PPFIBP2: variants seen among roughly 807,000 people sequenced by gnomAD.
The protein encoded by PPFIBP2 is PPFIB scaffold protein 2, also known as liprin-beta-2.
Under a neutral mutation model 118.3 loss-of-function variants are expected in PPFIBP2, and 118 were observed. The observed-to-expected ratio is 1.00, with a 90% CI of 0.86 to 1.16. PPFIBP2 has a LOEUF of 1.16. Ranked by LOEUF, PPFIBP2 falls within the 50% of genes most tolerant of loss-of-function variation. The pLI is 0.00. For missense variants in PPFIBP2, 1,195 were observed against 1,073.1 expected (o/e 1.11, Z -1.59); for synonymous variants, 414 against 397.4 (o/e 1.04, Z -0.50).
Position 7,639,321 on chromosome 11 carries a change from T to C in PPFIBP2, c.1237-411T>C, listed in dbSNP as rs117578280. ...GATTGTTATTTTACATATATATGTATGTATGTATGATAAAACACTAGGCAG... is the reference window on the plus strand; with the variant it reads ...GATTGTTATTTTACATATATATGTACGTATGTATGATAAAACACTAGGCAG... On this transcript the variant is annotated intron_variant, in intron 14 of 23. Transcript: ENST00000299492. Among the ~76,000 whole-genome samples, 1,418 of 152,332 alleles carry C rather than the reference T, an allele frequency of 9.3e-3. 12 individuals are homozygous for C. The highest frequency in any genetic ancestry group is 0.015 in the Admixed American group (237 of 15,308).
In PPFIBP2 at chr11:7,650,900, C is replaced by T. The variant is rs149262617; in HGVS notation, c.2182C>T (p.Arg728Ter). The change falls in exon 22 of 24, where the codon CGA (arginine) becomes TGA (stop). Residue 728 changes from arginine to a stop codon, truncating the protein, a stop_gained. Coordinates refer to ENST00000299492, the MANE Select transcript of PPFIBP2 (RefSeq NM_003621.5). LOFTEE classifies it high-confidence loss of function. ...WSNHRVMEWL[R>*]SVDLAEYAPN... Reference sequence around the variant, plus strand: ...CAACCACAGGGTGATGGAGTGGTTACGATCTGTGGACCTGGCAGAGTATGC... The same window carrying T: ...CAACCACAGGGTGATGGAGTGGTTATGATCTGTGGACCTGGCAGAGTATGC... The T allele has an allele frequency of 2.2e-5, 36 of 1,613,974 alleles. No homozygotes were observed. The highest frequency in any genetic ancestry group is 3.3e-4 in the Middle Eastern group (2 of 6,080).
At chr11:7,655,679 T>C (rs143484783), downstream of PPFIBP2, among the ~76,000 whole-genome samples, 734 of 152,180 alleles carry the variant, frequency 4.8e-3, 9 homozygotes, top group African/African-American at 0.017. Context: ...GCCTTCTCTG[T>C]TGGCCTGTTA....
rs746080235 is a variant in PPFIBP2, at chr11:7,653,080, A to C, written c.2493A>C (p.Glu831Asp). ...FGNIRKKKFD[E>D]STDYICPMEP... Reference sequence around the variant, plus strand: ...ACATAAGAAAAAAGAAGTTCGATGAATCGACGGACTACATTTGCCCAATGG... The same window carrying C: ...ACATAAGAAAAAAGAAGTTCGATGACTCGACGGACTACATTTGCCCAATGG... The change falls in exon 24 of 24, where the codon GAA (glutamate) becomes GAC (aspartate). Residue 831 changes from glutamate (E) to aspartate (D), a missense_variant. Physicochemically the swap from Glu to Asp is conservative, Grantham distance 45 (BLOSUM62 2). Transcript: ENST00000299492. The C allele has an allele frequency of 1.9e-6, 3 of 1,613,620 alleles. No homozygotes were observed. The highest frequency in any genetic ancestry group is 2.2e-5 in the South Asian group (2 of 91,072).
chr11:7,631,231 T>C (rs189975012), intron 11 of PPFIBP2: 2 of 533,522 alleles, frequency 3.7e-6, no homozygotes, highest in Admixed American at 3.1e-5. Context: ...GGAGGCAGCA[T>C]GGTGGATACT....
At chr11:7,653,762 C>T (rs921458171), downstream of PPFIBP2, 8 of 1,205,864 alleles carry the variant, frequency 6.6e-6, no homozygotes, top group African/African-American at 1.3e-4. Context: ...GGAAAGCAAG[C>T]AGCTCACCAT....
chr11:7,588,420 C>T (rs1173604152), intron 3 of PPFIBP2, among the ~76,000 whole-genome samples: 1 of 152,340 alleles, frequency 6.6e-6, no homozygotes, highest in African/African-American at 2.4e-5. Context: ...ACAGCTGATA[C>T]ATTTTCCTGA....
At chr11:7,590,152 G>T (rs559699716) in intron 3 of PPFIBP2, among the ~76,000 whole-genome samples, 1 of 152,268 alleles carries the variant, frequency 6.6e-6, no homozygotes, top group Admixed American at 6.5e-5. Context: ...CCTCTTCTTG[G>T]CCCTGTTCTC....
chr11:7,618,048 A>T (rs1450385515), intron 6 of PPFIBP2, among the ~76,000 whole-genome samples: 1 of 152,226 alleles, frequency 6.6e-6, no homozygotes, highest in Non-Finnish European at 1.5e-5. Flanking sequence ...GACCGAGGTC[A>T]CAGCAGCCAT....
chr11:7,528,960 CT>C (rs1850451651), intron 1 of PPFIBP2, among the ~76,000 whole-genome samples: 1 of 152,312 alleles, frequency 6.6e-6, no homozygotes, highest in East Asian at 1.9e-4. Flanking sequence ...GTGGCCACGC[CT>C]TGCTTCTGTC....
intron 9 of PPFIBP2, among the ~76,000 whole-genome samples, chr11:7,628,697 C>T (rs1042825003): frequency 6.6e-6 from 1 of 152,214 alleles, no homozygotes. Flanking sequence ...CATGACCTGA[C>T]AATAGAACCA....
Position 7,620,926 on chromosome 11 carries a change from A to G in PPFIBP2, c.619-9A>G, listed in dbSNP as rs759073996. On this transcript the variant is annotated splice_polypyrimidine_tract_variant and intron_variant, in intron 6 of 23. Coordinates refer to ENST00000299492, the MANE Select transcript of PPFIBP2 (RefSeq NM_003621.5). ...CATCAGAACTTTGTCTTTCTCCCTC[A>G]TCCCCTAGGAGTTACTGCAAGAGCT... The G allele has an allele frequency of 3.2e-6, 5 of 1,587,278 alleles. No homozygotes were observed. The Admixed American group carries it at 6.7e-5, about 21-fold the overall frequency.
rs539673451 is a variant in PPFIBP2, at chr11:7,612,881, G to A, written c.618+2459G>A. ...TTGTGAGTGTCTGGAGCAACCAGGG[G>A]TTTAAAACCACAGGGTACTGCTTAA... On this transcript the variant is annotated intron_variant, in intron 6 of 23. Transcript: ENST00000299492. 7.2e-5 allele frequency among the ~76,000 whole-genome samples: 11 copies of A among 152,334 alleles called. No homozygotes were observed. The South Asian group carries it at 1.9e-3, about 26-fold the overall frequency.
intron 3 of PPFIBP2, among the ~76,000 whole-genome samples, chr11:7,589,102 G>C (rs543389033): frequency 7.2e-5 from 11 of 152,298 alleles, no homozygotes; most frequent in Non-Finnish European, 1.3e-4. Context: ...CAGAACAGAG[G>C]GGGAGGAAGT....
At chr11:7,655,580 C>A, downstream of PPFIBP2, 1 of 1,122,822 alleles carries the variant, frequency 8.9e-7, no homozygotes. Context: ...GTGGTATGCA[C>A]AAGGCCTGGG....
chr11:7,650,362 A>G (rs987508606), intron 21 of PPFIBP2, among the ~76,000 whole-genome samples: 5 of 152,084 alleles, frequency 3.3e-5, no homozygotes, highest in African/African-American at 9.7e-5. Flanking sequence ...AATGTCTTGT[A>G]TATGTCAGGC....
chr11:7,651,862 T>C lies in PPFIBP2; in HGVS notation c.2436+18T>C. On this transcript the variant is annotated intron_variant, in intron 23 of 23. Transcript: ENST00000299492. ...AAGTCCGGGTGAGTTGCAGAGCCTTTCTGGGTGGGCCCTGGGCTGCCTCCT... is the reference window on the plus strand; with the variant it reads ...AAGTCCGGGTGAGTTGCAGAGCCTTCCTGGGTGGGCCCTGGGCTGCCTCCT... 1.2e-6 allele frequency: 2 copies of C among 1,600,090 alleles called. No individual in the cohort carries two copies. The highest frequency in any genetic ancestry group is 1.7e-6 in the Non-Finnish European group (2 of 1,169,690).
intron 3 of PPFIBP2, among the ~76,000 whole-genome samples, chr11:7,583,732 C>G (rs1857614498): frequency 6.6e-6 from 1 of 152,150 alleles, no homozygotes; most frequent in Non-Finnish European, 1.5e-5. Flanking sequence ...CCAGGAAGAT[C>G]AGTTAGGAGC....
At chr11:7,533,120 T>G (rs1447528652) in intron 1 of PPFIBP2, among the ~76,000 whole-genome samples, 2 of 152,070 alleles carry the variant, frequency 1.3e-5, no homozygotes, top group African/African-American at 4.8e-5. Context: ...GGAAGTGACA[T>G]CCTTTTTTCT....
the PPFIBP2 span, chr11:7,666,425 G>T: frequency 6.8e-7 from 1 of 1,472,910 alleles, no homozygotes; most frequent in Non-Finnish European, 9.5e-7. Context: ...CTGACCCATG[G>T]TGAGTGAGGG....
Sources: gnomAD v4.1 joint callset for allele counts (sites outside exome capture counted in the v4.1 genomes callset) on GRCh38, gnomAD v4.1.1 for gene constraint, MANE v1.5 for transcripts, NCBI Gene and HGNC (gene_info 2026-07-23, HGNC 2026-07-21) for gene names.